Variants in CHM observed in about 807,000 individuals in gnomAD.
CHM encodes the protein CHM Rab escort protein.
Under a neutral mutation model 49.0 loss-of-function variants are expected in CHM, and 10 were observed. The ratio of observed to expected loss-of-function variants is 0.20; its 90% CI spans 0.13 to 0.35. The LOEUF (loss-of-function observed/expected upper bound fraction) is 0.35, where lower values mean the gene tolerates loss of function less well. Ranked by LOEUF, CHM falls within the 10% of genes least tolerant of loss-of-function variation. The probability of loss-of-function intolerance (pLI) is 1.00; values close to 1 mark genes in which losing one functional copy is unlikely to be tolerated. For missense variants in CHM, 455 were observed against 478.4 expected, an observed-to-expected ratio of 0.95 and a Z score of 0.46; for synonymous variants, 184 against 167.5, an observed-to-expected ratio of 1.10 and a Z score of -0.76.
At chrX:85,871,113 C>A (rs987193322) in intron 14 of CHM, among the ~76,000 whole-genome samples, 30 of 107,062 alleles carry the variant, frequency 2.8e-4, no homozygotes, top group African/African-American at 9.9e-4. Context: ...GAGATTGAGA[C>A]CATCCTGGCT....
intron 2 of CHM, among the ~76,000 whole-genome samples, chrX:86,015,223 T>C (rs1252557181): frequency 3.6e-5 from 4 of 111,102 alleles, no homozygotes; most frequent in Non-Finnish European, 7.5e-5. Context: ...CGTGCTGTCC[T>C]TGTGATAGTG....
At chrX:85,936,813 TTTTG>T (rs1184554246) in intron 8 of CHM, among the ~76,000 whole-genome samples, 53 of 111,800 alleles carry the variant, frequency 4.7e-4, no homozygotes, top group Non-Finnish European at 2.1e-4. Context: ...GCTGCCTTTG[TTTTG>T]TTTGTTTTTG....
intron 14 of CHM, among the ~76,000 whole-genome samples, chrX:85,871,236 G>T (rs753935918): frequency 9.9e-6 from 1 of 101,358 alleles, no homozygotes; most frequent in Non-Finnish European, 2.0e-5. Context: ...GAACCCAGGA[G>T]GGGGAGCTTG....
At chrX:86,026,077 C>A (rs1933797571) in intron 2 of CHM, among the ~76,000 whole-genome samples, 1 of 92,901 alleles carries the variant, frequency 1.1e-5, no homozygotes, top group Non-Finnish European at 2.1e-5. Context: ...GTCTCAGTAC[C>A]TGGGCTTTCA....
chrX:86,009,893 G>A (rs932684793), intron 2 of CHM, among the ~76,000 whole-genome samples: 2 of 110,282 alleles, frequency 1.8e-5, no homozygotes, highest in East Asian at 5.7e-4. Flanking sequence ...CCAGATCCTG[G>A]AACAGAATAA....
chrX:86,014,684 T>C (rs1018850757), intron 2 of CHM, among the ~76,000 whole-genome samples: 2 of 112,167 alleles, frequency 1.8e-5, no homozygotes, highest in African/African-American at 6.5e-5. Context: ...ATGCTTTACA[T>C]GTTTTAAAAC....
chrX:85,882,156 G>A (rs1924801158), intron 12 of CHM, among the ~76,000 whole-genome samples: 3 of 111,472 alleles, frequency 2.7e-5, no homozygotes, highest in Admixed American at 9.5e-5. Flanking sequence ...AGGGTTCAAG[G>A]GATAAATGAG....
chrX:85,900,215 A>G (rs1226914034), intron 11 of CHM, among the ~76,000 whole-genome samples: 1 of 111,746 alleles, frequency 8.9e-6, no homozygotes, highest in Non-Finnish European at 1.9e-5. Flanking sequence ...CATTTGCAAC[A>G]ACATAGATGA....
intron 8 of CHM, among the ~76,000 whole-genome samples, chrX:85,933,979 C>CT (rs200938216): frequency 2.1e-3 from 214 of 101,334 alleles, no homozygotes; most frequent in African/African-American, 3.0e-3. Flanking sequence ...TTGAAATTAG[C>CT]TTTTTTTTTT....
At chrX:85,865,676 C>A (rs908546028) in intron 14 of CHM, among the ~76,000 whole-genome samples, 2 of 111,493 alleles carry the variant, frequency 1.8e-5, no homozygotes, top group Non-Finnish European at 1.9e-5. Flanking sequence ...ATGGTTTTGG[C>A]CAAAATGCTG....
intron 11 of CHM, among the ~76,000 whole-genome samples, chrX:85,897,712 C>G (rs182693742): frequency 9.0e-6 from 1 of 110,796 alleles, no homozygotes; most frequent in East Asian, 2.9e-4. Flanking sequence ...AGTGGAAGAA[C>G]TGACTGGTGG....
At chrX:86,000,898 C>G (rs193076100) in intron 2 of CHM, among the ~76,000 whole-genome samples, 1 of 111,331 alleles carries the variant, frequency 9.0e-6, no homozygotes, top group Non-Finnish European at 1.9e-5. Context: ...TATAAAAATA[C>G]AGGTAGATAT....
chrX:85,953,401 C>G (rs754012506), intron 8 of CHM, among the ~76,000 whole-genome samples: 1 of 111,555 alleles, frequency 9.0e-6, no homozygotes, highest in Non-Finnish European at 1.9e-5. Context: ...CTATGGCATT[C>G]TTCAGAGAAA....
intron 8 of CHM, among the ~76,000 whole-genome samples, chrX:85,925,490 A>C (rs1254433007): frequency 9.0e-6 from 1 of 111,523 alleles, no homozygotes; most frequent in Non-Finnish European, 1.9e-5. Context: ...TTCATTCAAA[A>C]ATAGGTTTTT....
intron 4 of CHM, 88 bp downstream of exon 4, chrX:85,978,679 T>A: frequency 2.0e-6 from 2 of 981,623 alleles, no homozygotes; most frequent in South Asian, 3.9e-5. Context: ...TAGCAACCAA[T>A]GCCACATAAA....
At chrX:85,875,533 T>C (rs1357656612) in intron 13 of CHM, among the ~76,000 whole-genome samples, 4 of 111,701 alleles carry the variant, frequency 3.6e-5, no homozygotes, top group Non-Finnish European at 7.5e-5. Flanking sequence ...AAATGGTGTC[T>C]ACAGCTGCAT....
chrX:85,933,979 CTT>C (rs200938216), intron 8 of CHM, among the ~76,000 whole-genome samples: 3 of 101,411 alleles, frequency 3.0e-5, no homozygotes, highest in Admixed American at 1.1e-4. Flanking sequence ...TTGAAATTAG[CTT>C]TTTTTTTTTT....
At chrX:85,865,392 T>C (rs1205361955) in intron 14 of CHM, among the ~76,000 whole-genome samples, 3 of 111,927 alleles carry the variant, frequency 2.7e-5, no homozygotes, top group African/African-American at 9.7e-5. Context: ...TCTGCTATGA[T>C]TGTAACTTTC....
chrX:85,893,645 A>T (rs999463309), intron 12 of CHM, among the ~76,000 whole-genome samples: 2 of 111,210 alleles, frequency 1.8e-5, no homozygotes, highest in African/African-American at 6.5e-5. Flanking sequence ...TAGTGCTCTT[A>T]AAAAAGGGTT....
Sources: gnomAD v4.1 joint callset for allele counts (sites outside exome capture counted in the v4.1 genomes callset) on GRCh38, gnomAD v4.1.1 for gene constraint, MANE v1.5 for transcripts, NCBI Gene and HGNC (gene_info 2026-07-23, HGNC 2026-07-21) for gene names.